The following NEDD4L variants were observed in gnomAD, a reference collection of about 807,000 sequenced individuals.
NEDD4L encodes the protein E3 ubiquitin-protein ligase NEDD4-like.
Under a neutral mutation model 148.9 loss-of-function variants are expected in NEDD4L, and 54 were observed. The ratio of observed to expected loss-of-function variants is 0.36; its 90% CI spans 0.29 to 0.45. The LOEUF is 0.45. Ranked by LOEUF, NEDD4L falls within the 20% of genes least tolerant of loss-of-function variation. The pLI is 1.00. For missense variants in NEDD4L, 856 were observed against 1,233.8 expected (o/e 0.69, Z 4.59); for synonymous variants, 433 against 440.7 (o/e 0.98, Z 0.22).
Position 58,366,896 on chromosome 18 carries a change from C to T in NEDD4L, c.2063+668C>T, listed in dbSNP as rs1015430370. On this transcript the variant is annotated intron_variant, in intron 21 of 30. Transcript: ENST00000400345. The surrounding 1 kb of genome is among the most constrained non-coding windows in gnomAD (Gnocchi z 4.2). ...ACTCCAGCCCTGGGCTCTAAGGGGA[C>T]GTGGGTTCCCCCACATCTCCCACCT... 3.9e-5 allele frequency among the ~76,000 whole-genome samples: 6 copies of T among 152,184 alleles called. No individual in the cohort carries two copies. In the East Asian group the frequency reaches 1.2e-3, roughly 29 times the overall value.
intron 9 of NEDD4L, 133 bp from the exon 10 acceptor site, chr18:58,328,862 T>C: frequency 1.2e-6 from 1 of 862,964 alleles, no homozygotes; most frequent in Non-Finnish European, 1.8e-6. Flanking sequence ...TCACATTGGA[T>C]GACCAGCTAG....
intron 20 of NEDD4L, among the ~76,000 whole-genome samples, chr18:58,365,669 A>G (rs2046026012): frequency 6.6e-6 from 1 of 152,222 alleles, no homozygotes; most frequent in African/African-American, 2.4e-5. Context: ...GAGTGAAGCA[A>G]CAGATACAGT....
At chr18:58,303,454 A>G (rs1341569560) in intron 5 of NEDD4L, among the ~76,000 whole-genome samples, 1 of 152,086 alleles carries the variant, frequency 6.6e-6, no homozygotes, top group Non-Finnish European at 1.5e-5. Flanking sequence ...TAATAGCCCT[A>G]TGTAGCCTGG....
chr18:58,195,650 G>A (rs778970132), intron 2 of NEDD4L: 1 of 1,351,626 alleles, frequency 7.4e-7, no homozygotes, highest in South Asian at 1.1e-5. Context: ...CGTTGCTGTT[G>A]TTAGGGGAAA....
At chr18:58,299,295 C>T (rs1488047423) in intron 5 of NEDD4L, among the ~76,000 whole-genome samples, 1 of 152,186 alleles carries the variant, frequency 6.6e-6, no homozygotes, top group South Asian at 2.1e-4. Flanking sequence ...TCTACAGTTC[C>T]CTTAGCAGGG....
intron 2 of NEDD4L, among the ~76,000 whole-genome samples, chr18:58,241,386 T>C (rs1399819829): frequency 6.6e-6 from 1 of 152,200 alleles, no homozygotes; most frequent in Non-Finnish European, 1.5e-5. Flanking sequence ...ACTGCAGCCA[T>C]GCCAGACTTT....
intron 1 of NEDD4L, among the ~76,000 whole-genome samples, chr18:58,089,887 T>C (rs1365657621): frequency 1.3e-5 from 2 of 151,076 alleles, no homozygotes; most frequent in Non-Finnish European, 3.0e-5. Flanking sequence ...TTTCCCAGGC[T>C]GGAGTGCAGT....
chr18:58,182,114 T>C (rs949555356), intron 2 of NEDD4L, among the ~76,000 whole-genome samples: 9 of 152,168 alleles, frequency 5.9e-5, no homozygotes, highest in Admixed American at 3.9e-4. Flanking sequence ...ATAAAAATTC[T>C]ACCAGGGGCA....
At chr18:58,317,468 T>C (rs1337759962) in intron 6 of NEDD4L, among the ~76,000 whole-genome samples, 1 of 152,164 alleles carries the variant, frequency 6.6e-6, no homozygotes, top group Non-Finnish European at 1.5e-5. Flanking sequence ...CTTTCCCTAA[T>C]GTAAAAACCA....
intron 5 of NEDD4L, among the ~76,000 whole-genome samples, chr18:58,255,201 G>A (rs749621332): frequency 7.2e-4 from 110 of 152,252 alleles, no homozygotes; most frequent in Non-Finnish European, 6.0e-4. Context: ...TTATAGCAGC[G>A]TGGCTTGCAG....
At chr18:58,141,888 G>A (rs983414735) in intron 1 of NEDD4L, among the ~76,000 whole-genome samples, 5 of 152,150 alleles carry the variant, frequency 3.3e-5, no homozygotes, top group African/African-American at 1.2e-4. Flanking sequence ...ACTGTCTGAC[G>A]AAACTCACAG....
At chr18:58,275,712 C>T (rs1394885808) in intron 5 of NEDD4L, among the ~76,000 whole-genome samples, 1 of 152,148 alleles carries the variant, frequency 6.6e-6, no homozygotes, top group Non-Finnish European at 1.5e-5. Context: ...CTGAGCATGG[C>T]ACCCTTAGCA....
intron 4 of NEDD4L, among the ~76,000 whole-genome samples, chr18:58,249,752 A>G (rs1303978054): frequency 6.6e-6 from 1 of 152,212 alleles, no homozygotes; most frequent in Non-Finnish European, 1.5e-5. Flanking sequence ...ATTGGTCCTG[A>G]TTTCTTCCTC....
At position 58,044,346 on chromosome 18, in the gene NEDD4L, A is replaced by T; in HGVS notation, c.-315A>T. 6.1e-6 allele frequency: 1 copy of T among 163,220 alleles called. No homozygotes were observed. The allele number at this position is 163,220 out of a possible 1,614,324, so 10.1% of individuals were successfully genotyped here. ...CGGGAGGGAGGCGCGGGTCGCGGGG[A>T]GGGAAAGCCCGGCCGGGTCTGCGCC... is the stretch of plus-strand genomic sequence containing the variant. On this transcript the variant is annotated 5_prime_UTR_variant, in exon 1 of 31. Coordinates refer to ENST00000400345, the MANE Select transcript of NEDD4L (RefSeq NM_001144967.3).
At chr18:58,391,208 A>G (rs1413037107) in intron 29 of NEDD4L, among the ~76,000 whole-genome samples, 2 of 152,134 alleles carry the variant, frequency 1.3e-5, no homozygotes, top group Non-Finnish European at 2.9e-5. Flanking sequence ...TCCAGGGCCC[A>G]GCTGAGAGGC....
intron 2 of NEDD4L, among the ~76,000 whole-genome samples, chr18:58,167,806 C>A (rs1371729865): frequency 1.3e-5 from 2 of 152,084 alleles, no homozygotes; most frequent in Admixed American, 1.3e-4. Flanking sequence ...TATGTATTCT[C>A]ACTCTTTCCA....
intron 2 of NEDD4L, among the ~76,000 whole-genome samples, chr18:58,226,639 G>A (rs2044384208): frequency 6.6e-6 from 1 of 152,006 alleles, no homozygotes; most frequent in African/African-American, 2.4e-5. Context: ...TGTGCCTGGG[G>A]ACAGGGAAGG....
intron 1 of NEDD4L, among the ~76,000 whole-genome samples, chr18:58,142,819 G>A (rs2033692593): frequency 6.8e-6 from 1 of 146,752 alleles, no homozygotes; most frequent in Non-Finnish European, 1.5e-5. Context: ...GCAGTGTATA[G>A]ACCTCACCTT....
intron 5 of NEDD4L, among the ~76,000 whole-genome samples, chr18:58,253,702 C>T (rs957044296): frequency 6.6e-6 from 1 of 152,078 alleles, no homozygotes; most frequent in Non-Finnish European, 1.5e-5. Flanking sequence ...GGAAAAATGG[C>T]CTCTTGTTTG....
Sources: allele counts gnomAD v4.1 joint callset (sites outside exome capture counted in the v4.1 genomes callset), GRCh38; gene constraint gnomAD v4.1.1; non-coding constraint Gnocchi (gnomAD v3.1); transcripts MANE v1.5; gene names NCBI Gene and HGNC (gene_info 2026-07-23, HGNC 2026-07-21).